Variants in ZNF143 observed in about 807,000 individuals in gnomAD.
ZNF143 encodes the protein zinc finger protein 143.
Under a neutral mutation model 74.1 loss-of-function variants are expected in ZNF143, and 49 were observed. The observed-to-expected ratio is 0.66, with a 90% CI of 0.53 to 0.84. The LOEUF (loss-of-function observed/expected upper bound fraction) is 0.84. Among genes scored for constraint, ZNF143 ranks in the 40% least tolerant of loss-of-function variants. The probability of loss-of-function intolerance (pLI) is 0.00; values close to 1 mark genes in which losing one functional copy is unlikely to be tolerated. For missense variants in ZNF143, 637 were observed against 793.4 expected, an observed-to-expected ratio of 0.80 and a Z score of 2.37; for synonymous variants, 304 against 282.8, an observed-to-expected ratio of 1.07 and a Z score of -0.75.
At chr11:9,462,175 G>A (rs1383246482) in intron 1 of ZNF143, 1 of 150,668 alleles carries the variant, frequency 6.6e-6, no homozygotes, top group Non-Finnish European at 1.5e-5. Flanking sequence ...TATTTTGACT[G>A]TTTGGAAATT....
chr11:9,508,003 G>A (rs1274057893), intron 11 of ZNF143, among the ~76,000 whole-genome samples: 1 of 152,188 alleles, frequency 6.6e-6, no homozygotes, highest in Admixed American at 6.5e-5. Flanking sequence ...CTAAAAATAT[G>A]TGTACTGCCT....
chr11:9,501,005 T>C (rs1565051599), intron 10 of ZNF143, 86 bp from the exon 11 acceptor site: 1 of 1,512,144 alleles, frequency 6.6e-7, no homozygotes. Context: ...GTCTTGAGCA[T>C]AATCCTAGGC....
At chr11:9,471,538 A>T in intron 2 of ZNF143, 118 bp downstream of exon 2, 2 of 661,674 alleles carry the variant, frequency 3.0e-6, no homozygotes, top group African/African-American at 1.9e-5. Flanking sequence ...AGGTCTTTTT[A>T]TGAGGTGTTT....
At chr11:9,511,579 G>C (rs904948598) in intron 12 of ZNF143, among the ~76,000 whole-genome samples, 1 of 151,446 alleles carries the variant, frequency 6.6e-6, no homozygotes, top group Non-Finnish European at 1.5e-5. Context: ...TGGGATTACA[G>C]GTGTGAGCCA....
rs1856771803 is a variant in ZNF143, at chr11:9,474,550, CA to C, written c.291del (p.Asp99ThrfsTer5). 6.2e-7 allele frequency: 1 copy of C among 1,613,988 alleles called. No individual in the cohort carries two copies. Among genetic ancestry groups the C allele is most frequent in the Non-Finnish European group, 8.5e-7 (1 of 1,179,954 alleles). ...TCTAAATGTAAGCATTGTTCTTGAG[CA>C]GGGGACAGTTTGCGTCTAGAGGATG... ...YVQHVPIPKS[T>X]GDSLRLEDGQ... is the part of the protein sequence containing the mutation. On this transcript the variant is annotated frameshift_variant and splice_region_variant, in exon 5 of 16. Coordinates refer to ENST00000396602, the MANE Select transcript of ZNF143 (RefSeq NM_003442.6). LOFTEE classifies it high-confidence loss of function.
Position 9,516,355 on chromosome 11 carries a change from G to C in ZNF143, c.1679G>C (p.Gly560Ala). 1 of 1,611,016 alleles carries C rather than the reference G, an allele frequency of 6.2e-7. No homozygotes were observed. Residue 560 changes from glycine to alanine, a missense_variant, in exon 14 of 16, where the codon GGG becomes GCG. By Grantham distance (60) the Gly-to-Ala change is moderately conservative. Transcript: ENST00000396602. ...VAMVTAEGTE[G>A]EQVAIVAQDL... ...ATGGTTACTGCTGAGGGTACAGAAG[G>C]GGAACAGGTAATTACTTTTTTCTGT...
At chr11:9,521,368 T>C (rs1400173393) in intron 14 of ZNF143, among the ~76,000 whole-genome samples, 3 of 152,238 alleles carry the variant, frequency 2.0e-5, no homozygotes, top group Non-Finnish European at 4.4e-5. Context: ...TAATTTATTA[T>C]GAAATTATAA....
At chr11:9,480,450 C>G (rs923438947) in intron 7 of ZNF143, among the ~76,000 whole-genome samples, 1 of 151,978 alleles carries the variant, frequency 6.6e-6, no homozygotes, top group African/African-American at 2.4e-5. Context: ...AAAGTTACTA[C>G]TCAGGGTCAC....
At chr11:9,495,596 T>A (rs754871029) in intron 8 of ZNF143, among the ~76,000 whole-genome samples, 1 of 152,242 alleles carries the variant, frequency 6.6e-6, no homozygotes. Flanking sequence ...GTAGTGGCCC[T>A]GGGGCCCATC....
chr11:9,480,243 C>CT (rs1229982789), intron 7 of ZNF143, among the ~76,000 whole-genome samples: 2 of 152,184 alleles, frequency 1.3e-5, no homozygotes, highest in African/African-American at 4.8e-5. Context: ...AAATTCAAAA[C>CT]TTATGTTATT....
chr11:9,462,016 GT>G, intron 1 of ZNF143: 1 of 152,240 alleles, frequency 6.6e-6, no homozygotes, highest in South Asian at 2.1e-4. Context: ...AGATACTTGT[GT>G]TTTCCTGTAG....
At chr11:9,499,267 A>G (rs1160966080) in intron 10 of ZNF143, among the ~76,000 whole-genome samples, 1 of 152,136 alleles carries the variant, frequency 6.6e-6, no homozygotes, top group Non-Finnish European at 1.5e-5. Context: ...GATGTTACAG[A>G]ATCAGAGTAG....
At chr11:9,511,202 C>T (rs1207635749) in intron 12 of ZNF143, among the ~76,000 whole-genome samples, 2 of 125,376 alleles carry the variant, frequency 1.6e-5, no homozygotes, top group African/African-American at 5.4e-5. Flanking sequence ...GCCCTGCCTC[C>T]CGGGTTCAAG....
intron 1 of ZNF143, chr11:9,463,831 A>C (rs1472903349): frequency 2.6e-5 from 4 of 152,212 alleles, no homozygotes; most frequent in Non-Finnish European, 5.9e-5. Context: ...TTAAAATAAA[A>C]AACCACTCCA....
rs1480583443 is a variant in ZNF143, at chr11:9,473,342, G to GTGCC, written c.205+573_205+574insTGCC. Among the ~76,000 whole-genome samples the GTGCC allele has an allele frequency of 3.4e-5, 5 of 147,380 alleles. No homozygotes were observed. The East Asian group carries it at 9.9e-4, about 29-fold the overall frequency. On this transcript the variant is annotated intron_variant, in intron 3 of 15. Coordinates refer to ENST00000396602, the MANE Select transcript of ZNF143 (RefSeq NM_003442.6). ...GGAGGCAGAGGTTGCAGTGAGCCGA[G>GTGCC]ATCACGCCATTGCACTCCGGCCTGG...
chr11:9,487,357 TTTTG>T (rs199605669), intron 7 of ZNF143, among the ~76,000 whole-genome samples: 2,602 of 151,254 alleles, frequency 0.017, 178 homozygotes, highest in African/African-American at 0.06. Flanking sequence ...GGTTATGTCT[TTTTG>T]TTTGTTTGTT....
At chr11:9,480,878 A>ACTCG in intron 7 of ZNF143, among the ~76,000 whole-genome samples, 1 of 149,918 alleles carries the variant, frequency 6.7e-6, no homozygotes, top group Non-Finnish European at 1.5e-5. Flanking sequence ...CAAGAACGAA[A>ACTCG]CTGTCTCAAA....
At chr11:9,463,837 C>T (rs1189970017) in intron 1 of ZNF143, 7 of 152,186 alleles carry the variant, frequency 4.6e-5, no homozygotes, top group Admixed American at 4.6e-4. Context: ...TAAAAAACCA[C>T]TCCACCCTCA....
chr11:9,486,341 T>TTA lies in ZNF143; in HGVS notation c.645+6805_645+6806dup, dbSNP rs1291569303. On this transcript the variant is annotated intron_variant, in intron 7 of 15. Coordinates refer to ENST00000396602, the MANE Select transcript of ZNF143 (RefSeq NM_003442.6). ...ATAATGGTCCTAGGCGCTAATTATA[T>TTA]TATATATATATTATATATATATTAT... Among the ~76,000 whole-genome samples the TTA allele has an allele frequency of 1.6e-4, 13 of 82,956 alleles. 1 individual carries two copies. The highest frequency in any genetic ancestry group is 6.0e-4 in the South Asian group (2 of 3,314). 54.4% of individuals were successfully genotyped at this position (82,956 alleles called of 152,430 possible).
Sources: allele counts gnomAD v4.1 joint callset (sites outside exome capture counted in the v4.1 genomes callset), GRCh38; gene constraint gnomAD v4.1.1; transcripts MANE v1.5; gene names NCBI Gene and HGNC (gene_info 2026-07-23, HGNC 2026-07-21).